The following SREK1 variants were observed in gnomAD, a reference collection of about 807,000 sequenced individuals.
SREK1 encodes the protein splicing regulatory glutamine/lysine-rich protein 1.
A neutral mutation model predicts 66.5 loss-of-function variants in SREK1; 13 were observed. The ratio of observed to expected loss-of-function variants is 0.20; its 90% confidence interval spans 0.13 to 0.31. The LOEUF (loss-of-function observed/expected upper bound fraction) is 0.31. SREK1 is among the 10% of genes least tolerant of loss of function. The pLI is 1.00. For missense variants in SREK1, 607 were observed against 769.6 expected (o/e 0.79, Z 2.50); for synonymous variants, 265 against 263.5 (o/e 1.01, Z -0.05).
chr5:66,148,494 T>C lies in SREK1; in HGVS notation c.161+3957T>C, dbSNP rs376686015. Among the ~76,000 whole-genome samples, 29 of 148,402 alleles carry C rather than the reference T, an allele frequency of 2.0e-4. No homozygotes were observed. The East Asian group carries it at 4.0e-3, about 21-fold the overall frequency. The stretch of plus-strand genomic sequence containing the variant: ...TGTACTACCCACTGAAAAGTTTTAA[T>C]TTTTTTTGAAAAATTGATAAGATTT... On this transcript the variant is annotated intron_variant, in intron 1 of 11. Transcript: ENST00000334121.
At chr5:66,176,714 T>C (rs1746084125) in intron 10 of SREK1, among the ~76,000 whole-genome samples, 1 of 152,156 alleles carries the variant, frequency 6.6e-6, no homozygotes, top group Non-Finnish European at 1.5e-5. Flanking sequence ...ATGCATTTCT[T>C]AATTCCTAGA....
At position 66,151,442 on chromosome 5, in the gene SREK1, G is replaced by A. The variant is rs1580621191; in HGVS notation, c.162-2021G>A. 1.3e-5 allele frequency among the ~76,000 whole-genome samples: 2 copies of A among 152,172 alleles called. 1 individual carries two copies. The highest frequency in any genetic ancestry group is 3.8e-4 in the East Asian group (2 of 5,200). On this transcript the variant is annotated intron_variant, in intron 1 of 11. Coordinates refer to ENST00000334121, the MANE Select transcript of SREK1 (RefSeq NM_001077199.3). ...GGAAGTAGTTGGTGGGCAGTGCTTA[G>A]GATGGTCACACTAGTGACTCCTAGG...
rs7729513 is a variant in SREK1 at position 66,165,694 on chromosome 5, T to C, written c.1001+797T>C. On this transcript the variant is annotated intron_variant, in intron 7 of 11. Coordinates refer to ENST00000334121, the MANE Select transcript of SREK1 (RefSeq NM_001077199.3). ...GCTGTTTTTGAAATGTGAAAGTATG[T>C]ATAGTGGATCCTAATTGCATGTTAT... 305 of 152,374 alleles carry C rather than the reference T, an allele frequency of 2.0e-3. 2 individuals carry two copies. Among genetic ancestry groups the C allele is most frequent in the African/African-American group, 7.1e-3 (295 of 41,560 alleles). The allele number at this position is 152,374 out of a possible 1,614,324, so 9.4% of individuals were successfully genotyped here.
At position 66,170,942 on chromosome 5, in the gene SREK1, C is replaced by G; in HGVS notation, c.1479C>G (p.Ser493=). ...ATGCATCGCGAAGATCTCGTAGTTC[C>G]AGCAGGTTTGATAATGCTTAAAATT... The part of the protein sequence containing the change: ...SYNASRRSRS[S]SRERRRRRSR... The change falls in exon 9 of 12, where the codon TCC becomes TCG. Residue 493 remains serine, a synonymous_variant. Transcript: ENST00000334121. 1 of 1,597,466 alleles carries G rather than the reference C, an allele frequency of 6.3e-7. No individual in the cohort carries two copies. Among genetic ancestry groups the G allele is most frequent in the Non-Finnish European group, 8.5e-7 (1 of 1,174,832 alleles).
chr5:66,148,412 C>T (rs963762029), intron 1 of SREK1, among the ~76,000 whole-genome samples: 5 of 152,038 alleles, frequency 3.3e-5, no homozygotes, highest in African/African-American at 1.2e-4. Flanking sequence ...ACAAAATAAC[C>T]AGTTAGGGCC....
chr5:66,156,693 A>G (rs1744314147), intron 2 of SREK1: 2 of 985,042 alleles, frequency 2.0e-6, no homozygotes, highest in East Asian at 1.1e-4. Flanking sequence ...AAATATAACA[A>G]TCTGGGAGTA....
chr5:66,180,906 C>T lies in SREK1; in HGVS notation c.*2038C>T, dbSNP rs1746431945. On this transcript the variant is annotated 3_prime_UTR_variant, in exon 12 of 12. Transcript: ENST00000334121. ...GAGGAAAATGTTTGTTTATGCATTT[C>T]AAAAAAGCATTTTAGTTTTATCCTG... is the stretch of plus-strand genomic sequence containing the variant. 6.6e-6 allele frequency: 1 copy of T among 152,292 alleles called. No homozygotes were observed. Among genetic ancestry groups the T allele is most frequent in the African/African-American group, 2.4e-5 (1 of 41,410 alleles). The allele number at this position is 152,292 out of a possible 1,614,324, so 9.4% of individuals were successfully genotyped here. A position where few individuals can be genotyped will look rare whatever the true frequency, so the allele number is the denominator to read the frequency against.
intron 10 of SREK1, 161 bp from the exon 11 acceptor site, chr5:66,177,353 T>G: frequency 1.7e-6 from 1 of 588,754 alleles, no homozygotes; most frequent in Non-Finnish European, 2.8e-6. Flanking sequence ...GTAGGTCAGG[T>G]TGTAGGGCTC....
At chr5:66,145,090 C>T in intron 1 of SREK1, 1 of 985,746 alleles carries the variant, frequency 1.0e-6, no homozygotes, top group Non-Finnish European at 1.2e-6. Flanking sequence ...CGAGCGCATC[C>T]ATGTTCCCAA....
At chr5:66,153,865 T>C (rs1357267390) in intron 2 of SREK1, 1 of 361,480 alleles carries the variant, frequency 2.8e-6, no homozygotes, top group Non-Finnish European at 4.8e-6. Context: ...CAAAGAAAGC[T>C]TTCTGAAATT....
chr5:66,164,945 T>TA (rs1745056537), intron 7 of SREK1, 48 bp downstream of exon 7: 1 of 1,518,430 alleles, frequency 6.6e-7, no homozygotes, highest in South Asian at 1.2e-5. Flanking sequence ...GTTTTGTATT[T>TA]AAAATATTAA....
chr5:66,156,965 A>G (rs1027366474), intron 2 of SREK1: 8 of 985,072 alleles, frequency 8.1e-6, no homozygotes, highest in East Asian at 1.1e-4. Context: ...GAAAAATGCT[A>G]AATGCTTATT....
In SREK1 at chr5:66,155,019, T is replaced by C. The variant is rs145067870; in HGVS notation, c.295+1423T>C. Among the ~76,000 whole-genome samples the C allele has an allele frequency of 3.3e-5, 5 of 152,326 alleles. No individual in the cohort carries two copies. The East Asian group carries it at 9.6e-4, about 29-fold the overall frequency. Reference sequence around the variant, plus strand: ...ATACCACCAATAACACTGGGTCTTTTATTGTGTTAGCTTATTACTGAATTG... The same window carrying C: ...ATACCACCAATAACACTGGGTCTTTCATTGTGTTAGCTTATTACTGAATTG... On this transcript the variant is annotated intron_variant, in intron 2 of 11. Transcript: ENST00000334121.
At position 66,178,925 on chromosome 5, in the gene SREK1, C is replaced by G; in HGVS notation, c.*57C>G. Reference sequence around the variant, plus strand: ...GGAATCAAATCCAAAGCTTTTAATTCTCTCAACAAGATGTAAACAGGAAAG... The same window carrying G: ...GGAATCAAATCCAAAGCTTTTAATTGTCTCAACAAGATGTAAACAGGAAAG... On this transcript the variant is annotated 3_prime_UTR_variant, in exon 12 of 12. Transcript: ENST00000334121. 1 of 1,475,320 alleles carries G rather than the reference C, an allele frequency of 6.8e-7. No individual in the cohort carries two copies. The highest frequency in any genetic ancestry group is 1.5e-5 in the South Asian group (1 of 65,196). 91.4% of individuals were successfully genotyped at this position (1,475,320 alleles called of 1,614,324 possible).
rs1742971924 is a variant in SREK1, at chr5:66,144,508, A to T, written c.132A>T (p.Glu44Asp). Residue 44 changes from glutamate to aspartate, a missense_variant, in exon 1 of 12, where the codon GAA becomes GAT. Physicochemically the swap from Glu to Asp is conservative, Grantham distance 45. Coordinates refer to ENST00000334121, the MANE Select transcript of SREK1 (RefSeq NM_001077199.3). ...GGACGCTTTTTTCCTTCCTAGGAGA[A>T]ATCGAGGAGCTGCGGCTCTACCCCC... The part of the protein sequence containing the change: ...QMRTLFSFLG[E>D]IEELRLYPPD... 2.6e-6 allele frequency: 4 copies of T among 1,553,850 alleles called. No homozygotes were observed. The highest frequency in any genetic ancestry group is 3.5e-6 in the Non-Finnish European group (4 of 1,148,180).
Position 66,162,476 on chromosome 5 carries a change from G to A in SREK1, c.639G>A (p.Arg213=). ...AAGTTGGAGAAGTGAAGTTTGTGCG[G>A]ATGGCAGGTGATGAGACTCAGCCAA... ...FKQVGEVKFV[R]MAGDETQPTR... is the part of the protein sequence containing the mutation. Residue 213 remains arginine, a synonymous_variant, in exon 5 of 12, where the codon CGG becomes CGA. Coordinates refer to ENST00000334121, the MANE Select transcript of SREK1 (RefSeq NM_001077199.3). The A allele has an allele frequency of 6.2e-7, 1 of 1,614,108 alleles. No homozygotes were observed.
intron 8 of SREK1, 73 bp from the exon 9 acceptor site, chr5:66,170,512 T>C (rs1260418557): frequency 6.7e-7 from 1 of 1,499,954 alleles, no homozygotes. Flanking sequence ...TGGTAATTGT[T>C]GAAGAGAGAG....
At chr5:66,159,459 G>T (rs1410317750) in intron 3 of SREK1, 125 bp downstream of exon 3, 1 of 760,422 alleles carries the variant, frequency 1.3e-6, no homozygotes, top group Non-Finnish European at 1.9e-6. Context: ...GAGAGGATTC[G>T]AAATCACTGC....
Position 66,163,980 on chromosome 5 carries a change from T to C in SREK1, c.886+58T>C. 3.3e-6 allele frequency: 5 copies of C among 1,536,914 alleles called. No individual in the cohort carries two copies. The South Asian group carries it at 6.2e-5, about 19-fold the overall frequency. On this transcript the variant is annotated intron_variant, in intron 6 of 11. Coordinates refer to ENST00000334121, the MANE Select transcript of SREK1 (RefSeq NM_001077199.3). ...TTTAAAGATCATAGACTCTTAGAAC[T>C]GGAAGGAATTTTAGAAATCATCTTG... is the stretch of plus-strand genomic sequence containing the variant.
Sources: gnomAD v4.1 joint callset for allele counts (sites outside exome capture counted in the v4.1 genomes callset) on GRCh38, gnomAD v4.1.1 for gene constraint, MANE v1.5 for transcripts, NCBI Gene and HGNC (gene_info 2026-07-23, HGNC 2026-07-21) for gene names.